ARHGEF28: variants seen among roughly 807,000 people sequenced by gnomAD.
The protein encoded by ARHGEF28 is Rho guanine nucleotide exchange factor 28.
ARHGEF28 carries 152 observed loss-of-function variants against 206.6 expected under a neutral mutation model. That is an observed-to-expected ratio of 0.74 (90% CI 0.64 to 0.84). ARHGEF28 has a LOEUF of 0.84. Among genes scored for constraint, ARHGEF28 ranks in the 40% least tolerant of loss-of-function variants. ARHGEF28 has a pLI of 0.00. For synonymous variants in ARHGEF28, 763 were observed against 776.4 expected, an observed-to-expected ratio of 0.98 and a Z score of 0.29; for missense variants, 2,028 against 2,073.2, an observed-to-expected ratio of 0.98 and a Z score of 0.42.
chr5:73,760,971 C>T lies in ARHGEF28; in HGVS notation c.475+7769C>T, dbSNP rs77550936. Reference sequence around the variant, plus strand: ...GAATAGAGAATTACGCACTTACTCCCACTTCTGGGAAATAGAACGTAGAGT... The same window carrying T: ...GAATAGAGAATTACGCACTTACTCCTACTTCTGGGAAATAGAACGTAGAGT... On this transcript the variant is annotated intron_variant, in intron 4 of 35. Coordinates refer to ENST00000513042, the MANE Select transcript of ARHGEF28 (RefSeq NM_001177693.2). Among the ~76,000 whole-genome samples, 469 of 152,304 alleles carry T rather than the reference C, an allele frequency of 3.1e-3. 5 individuals carry two copies. The highest frequency in any genetic ancestry group is 0.011 in the African/African-American group (440 of 41,556).
chr5:73,861,419 AT>A lies in ARHGEF28; in HGVS notation c.2047+3204del, dbSNP rs574844612. Among the ~76,000 whole-genome samples, 156 of 152,350 alleles carry A rather than the reference AT, an allele frequency of 1.0e-3. 1 individual carries two copies. The highest frequency in any genetic ancestry group is 6.9e-4 in the Non-Finnish European group (47 of 68,028). On this transcript the variant is annotated intron_variant, in intron 16 of 35. Coordinates refer to ENST00000513042, the MANE Select transcript of ARHGEF28 (RefSeq NM_001177693.2). ...CCACTTAGAGAAAAAGACTATTAATATTTTAATGGAGTTCCTTATAACCATA... is the reference window on the plus strand; with the variant it reads ...CCACTTAGAGAAAAAGACTATTAATATTTAATGGAGTTCCTTATAACCATA...
intron 1 of ARHGEF28, among the ~76,000 whole-genome samples, chr5:73,658,790 C>T (rs1745394196): frequency 6.6e-6 from 1 of 152,106 alleles, no homozygotes; most frequent in African/African-American, 2.4e-5. Flanking sequence ...AGCAATAAAT[C>T]ACTGATTATA....
In ARHGEF28 at chr5:73,780,454, T is replaced by A. The variant is rs1170198881; in HGVS notation, c.841-222T>A. ...ACCTGCAGAAGCAATAAAAGATTAG[T>A]GGCAGGGACTTTGGCCCCTGCCTTG... On this transcript the variant is annotated intron_variant, in intron 6 of 35. Transcript: ENST00000513042. 26 of 535,308 alleles carry A rather than the reference T, an allele frequency of 4.9e-5. 1 individual carries two copies. The Admixed American group carries it at 8.1e-4, about 17-fold the overall frequency. The allele number at this position is 535,308 out of a possible 1,614,324, so 33.2% of individuals were successfully genotyped here.
intron 1 of ARHGEF28, among the ~76,000 whole-genome samples, chr5:73,677,754 A>G (rs368666603): frequency 2.0e-5 from 3 of 152,348 alleles, no homozygotes; most frequent in African/African-American, 7.2e-5. Flanking sequence ...CTGGCTGTGT[A>G]CTAAGGCCCC....
At chr5:73,925,186 G>T (rs440859) in intron 35 of ARHGEF28, among the ~76,000 whole-genome samples, 10,381 of 152,140 alleles carry the variant, frequency 0.068, 460 homozygotes, top group South Asian at 0.18. Flanking sequence ...CCATGTGCTG[G>T]AAGTCCCTCA....
intron 29 of ARHGEF28, among the ~76,000 whole-genome samples, chr5:73,897,130 A>G (rs1762003318): frequency 6.6e-6 from 1 of 152,140 alleles, no homozygotes; most frequent in Non-Finnish European, 1.5e-5. Context: ...CTTGAAACCC[A>G]TCCATCCTTC....
intron 9 of ARHGEF28, chr5:73,828,130 A>G (rs981313278): frequency 5.9e-5 from 9 of 152,360 alleles, no homozygotes; most frequent in African/African-American, 2.2e-4. Flanking sequence ...TGGTAGAGCA[A>G]TTAGCCACTT....
Position 73,846,420 on chromosome 5 carries a change from A to G in ARHGEF28, c.1580A>G (p.Asp527Gly), listed in dbSNP as rs1561452544. The G allele has an allele frequency of 1.9e-6, 3 of 1,613,974 alleles. No homozygotes were observed. The highest frequency in any genetic ancestry group is 2.5e-6 in the Non-Finnish European group (3 of 1,179,864). The change falls in exon 12 of 36, where the codon GAT (aspartate) becomes GGT (glycine). Residue 527 changes from aspartate to glycine, a missense_variant. Transcript: ENST00000513042. Reference sequence around the variant, plus strand: ...TCTTTTGAGACTAACACTGAACCGGATTTTAATATCTCCAGGGCTGAATCC... The same window carrying G: ...TCTTTTGAGACTAACACTGAACCGGGTTTTAATATCTCCAGGGCTGAATCC... The part of the protein sequence containing the change: ...LDSFETNTEP[D>G]FNISRAESLP...
chr5:73,870,260 A>G, intron 21 of ARHGEF28, 51 bp downstream of exon 21: 5 of 1,556,888 alleles, frequency 3.2e-6, no homozygotes, highest in Non-Finnish European at 3.5e-6. Flanking sequence ...GTTCAGAGAA[A>G]AGAACATGGA....
chr5:73,733,166 A>C (rs1750713741), intron 2 of ARHGEF28, among the ~76,000 whole-genome samples: 1 of 152,112 alleles, frequency 6.6e-6, no homozygotes, highest in Non-Finnish European at 1.5e-5. Flanking sequence ...AAGTCCCCAA[A>C]GTCCATTGTA....
At chr5:73,911,669 C>T in intron 35 of ARHGEF28, 94 bp downstream of exon 35, 1 of 1,276,036 alleles carries the variant, frequency 7.8e-7, no homozygotes, top group Admixed American at 2.4e-5. Flanking sequence ...AAAGTCCTCC[C>T]TAGCATGGGA....
At chr5:73,802,343 T>C (rs1018601307) in intron 9 of ARHGEF28, among the ~76,000 whole-genome samples, 1 of 152,228 alleles carries the variant, frequency 6.6e-6, no homozygotes, top group Non-Finnish European at 1.5e-5. Flanking sequence ...ATATTTACAC[T>C]GATGTCTTAA....
At chr5:73,854,764 G>A (rs955400620) in intron 14 of ARHGEF28, among the ~76,000 whole-genome samples, 14 of 151,972 alleles carry the variant, frequency 9.2e-5, no homozygotes, top group East Asian at 5.8e-4. Context: ...CCTGGAACGC[G>A]GAGGTTGCAA....
intron 33 of ARHGEF28, chr5:73,905,277 A>G (rs1762484425): frequency 6.7e-6 from 1 of 150,240 alleles, no homozygotes; most frequent in Non-Finnish European, 1.5e-5. Flanking sequence ...TCATCCTGAA[A>G]CCATTCTCAC....
chr5:73,686,711 A>G (rs1165204249), intron 2 of ARHGEF28, among the ~76,000 whole-genome samples: 1 of 151,726 alleles, frequency 6.6e-6, no homozygotes, highest in Non-Finnish European at 1.5e-5. Flanking sequence ...TTTAGTACAG[A>G]CAGGGTTTCA....
rs746361693 is a variant in ARHGEF28, at chr5:73,873,032, C to G, written c.2600C>G (p.Thr867Ser). Residue 867 changes from threonine to serine, a missense_variant, in exon 22 of 36, where the codon ACC becomes AGC. Physicochemically the swap from Thr to Ser is moderately conservative, Grantham distance 58. Transcript: ENST00000513042. The part of the protein sequence containing the change: ...LMQTEMHHIQ[T>S]LFIMSEIFRK... ...CAAACAGAGATGCATCACATCCAGACCCTGTTCATCATGTCTGAGATCTTC... is the reference window on the plus strand; with the variant it reads ...CAAACAGAGATGCATCACATCCAGAGCCTGTTCATCATGTCTGAGATCTTC... 1 of 1,613,736 alleles carries G rather than the reference C, an allele frequency of 6.2e-7. No homozygotes were observed. Among genetic ancestry groups the G allele is most frequent in the Non-Finnish European group, 8.5e-7 (1 of 1,179,780 alleles).
At chr5:73,884,466 C>T (rs1377286269) in intron 24 of ARHGEF28, among the ~76,000 whole-genome samples, 1 of 151,974 alleles carries the variant, frequency 6.6e-6, no homozygotes, top group Non-Finnish European at 1.5e-5. Flanking sequence ...ATGGCTGGTA[C>T]AGAATAGATG....
chr5:73,829,801 A>C (rs1757178273), intron 9 of ARHGEF28, among the ~76,000 whole-genome samples: 1 of 152,224 alleles, frequency 6.6e-6, no homozygotes, highest in Non-Finnish European at 1.5e-5. Flanking sequence ...AGTCCATTTA[A>C]AGATGGGTAC....
At chr5:73,678,190 T>C (rs978033068) in intron 1 of ARHGEF28, among the ~76,000 whole-genome samples, 11 of 152,194 alleles carry the variant, frequency 7.2e-5, no homozygotes, top group Non-Finnish European at 1.6e-4. Flanking sequence ...TTTTATTGAG[T>C]ATATATTTGC....
Sources: gnomAD v4.1 joint callset for allele counts (sites outside exome capture counted in the v4.1 genomes callset) on GRCh38, gnomAD v4.1.1 for gene constraint, MANE v1.5 for transcripts, NCBI Gene and HGNC (gene_info 2026-07-23, HGNC 2026-07-21) for gene names.